Variants in DENND4A observed in about 807,000 individuals in gnomAD.
The protein encoded by DENND4A is C-myc promoter-binding protein.
Under a neutral mutation model 199.3 loss-of-function variants are expected in DENND4A, and 70 were observed. That is an observed-to-expected ratio of 0.35 (90% CI 0.29 to 0.43). The LOEUF (loss-of-function observed/expected upper bound fraction) is 0.43, where lower values mean the gene tolerates loss of function less well. DENND4A is among the 20% of genes least tolerant of loss of function. DENND4A has a pLI of 1.00. For missense variants in DENND4A, 1,723 were observed against 2,255.8 expected (o/e 0.76, Z 4.78); for synonymous variants, 686 against 766.9 (o/e 0.89, Z 1.74).
intron 30 of DENND4A, 111 bp downstream of exon 30, chr15:65,665,233 AC>A (rs2075996535): frequency 1.3e-6 from 1 of 768,342 alleles, no homozygotes; most frequent in Admixed American, 3.0e-5. Flanking sequence ...GACCTGTAAG[AC>A]AAAAAGTAGT....
At position 65,671,376 on chromosome 15, in the gene DENND4A, T is replaced by C. The variant is rs1213433792; in HGVS notation, c.4464+416A>G. Among the ~76,000 whole-genome samples the C allele has an allele frequency of 3.9e-5, 6 of 152,188 alleles. 1 individual carries two copies. The highest frequency in any genetic ancestry group is 3.3e-4 in the Admixed American group (5 of 15,276). On this transcript the variant is annotated intron_variant, in intron 25 of 32. Coordinates refer to ENST00000443035, the MANE Select transcript of DENND4A (RefSeq NM_001320835.1). ...TCACATTCTGAAATTTCAGGTGCTA[T>C]GTATTTAACTTATTATTTTTTCTCT... is the stretch of plus-strand genomic sequence containing the variant.
intron 1 of DENND4A, among the ~76,000 whole-genome samples, chr15:65,788,862 A>G (rs1337269394): frequency 1.4e-4 from 21 of 149,328 alleles, no homozygotes; most frequent in African/African-American, 5.3e-4. Context: ...CTTAAAAAAA[A>G]AAAAAAAAAA....
At chr15:65,725,602 G>C (rs1029569027) in intron 11 of DENND4A, among the ~76,000 whole-genome samples, 1 of 151,584 alleles carries the variant, frequency 6.6e-6, no homozygotes, top group Non-Finnish European at 1.5e-5. Flanking sequence ...GCAAGAACCT[G>C]GGAGGTGGAG....
At chr15:65,741,853 T>C (rs2076270250) in intron 4 of DENND4A, 69 bp from the exon 5 acceptor site, 1 of 1,275,400 alleles carries the variant, frequency 7.8e-7, no homozygotes, top group Non-Finnish European at 1.1e-6. Flanking sequence ...TGGAATCTCT[T>C]TGAGCTCTCT....
Position 65,715,604 on chromosome 15 carries a change from G to A in DENND4A, c.1827C>T (p.Asp609=). 6.4e-7 allele frequency: 1 copy of A among 1,566,146 alleles called. No homozygotes were observed. Among genetic ancestry groups the A allele is most frequent in the South Asian group, 1.2e-5 (1 of 83,982 alleles). Residue 609 remains aspartate (D), a synonymous_variant, in exon 14 of 33, where the codon GAC becomes GAT. Transcript: ENST00000443035. The stretch of plus-strand genomic sequence containing the variant: ...TGTTATAGAATTTTTGATGTGACCG[G>A]TCCCGGCTTCTTAAGAAAGCTGTTC... ...FALQAFLRSR[D]RSHQKFYNMM... is the part of the protein sequence containing the mutation.
intron 1 of DENND4A, among the ~76,000 whole-genome samples, chr15:65,782,023 G>C (rs1291225044): frequency 6.6e-6 from 1 of 152,212 alleles, no homozygotes; most frequent in Non-Finnish European, 1.5e-5. Flanking sequence ...GGGATAAAGA[G>C]TAAATAAGAG....
chr15:65,697,488 T>C, intron 20 of DENND4A, 105 bp from the exon 21 acceptor site: 1 of 697,226 alleles, frequency 1.4e-6, no homozygotes, highest in Non-Finnish European at 2.4e-6. Context: ...ATAAATTTTT[T>C]TCTGGACAAC....
At chr15:65,717,069 G>T (rs931321968) in intron 13 of DENND4A, among the ~76,000 whole-genome samples, 18 of 152,144 alleles carry the variant, frequency 1.2e-4, no homozygotes, top group Non-Finnish European at 2.1e-4. Flanking sequence ...GTTGTGAACT[G>T]AAGTTGTTCA....
chr15:65,703,079 G>A (rs1449890463), intron 15 of DENND4A, 71 bp from the exon 16 acceptor site: 1 of 1,416,422 alleles, frequency 7.1e-7, no homozygotes, highest in Non-Finnish European at 9.6e-7. Context: ...AGTGGTTACA[G>A]GTTAATATAA....
intron 4 of DENND4A, among the ~76,000 whole-genome samples, chr15:65,743,581 A>C (rs894946429): frequency 3.9e-5 from 6 of 152,182 alleles, no homozygotes; most frequent in African/African-American, 1.4e-4. Flanking sequence ...ACACTTTCTA[A>C]CATACTATAC....
At position 65,756,210 on chromosome 15, in the gene DENND4A, T is replaced by A; in HGVS notation, c.241A>T (p.Ser81Cys). The change falls in exon 3 of 33, where the codon AGT (serine) becomes TGT (cysteine). Residue 81 changes from serine to cysteine, a missense_variant. By Grantham distance (112) the Ser-to-Cys change is moderately radical. Transcript: ENST00000443035. ...TGLSADLNNG[S>C]LVGPQIYLCY... ...AGGTAAATCTGTGGCCCCACAAGAC[T>A]TCCATTATTAAGATCAGCTGACAAT... is the stretch of plus-strand genomic sequence containing the variant. 1 of 1,611,962 alleles carries A rather than the reference T, an allele frequency of 6.2e-7. No homozygotes were observed. The highest frequency in any genetic ancestry group is 1.7e-5 in the Admixed American group (1 of 59,710).
intron 23 of DENND4A, among the ~76,000 whole-genome samples, chr15:65,684,236 G>C (rs992570068): frequency 1.3e-5 from 2 of 152,128 alleles, no homozygotes; most frequent in African/African-American, 2.4e-5. Flanking sequence ...AGATTATTTA[G>C]AGTGGAACTG....
intron 13 of DENND4A, among the ~76,000 whole-genome samples, chr15:65,717,492 C>G (rs1419212109): frequency 1.3e-5 from 2 of 152,118 alleles, no homozygotes; most frequent in African/African-American, 2.4e-5. Flanking sequence ...GCTCTGAAAG[C>G]TGAAAGTATC....
At chr15:65,671,956 C>G (rs1232874561) in intron 24 of DENND4A, 70 bp from the exon 25 acceptor site, 2 of 915,118 alleles carry the variant, frequency 2.2e-6, no homozygotes, top group Non-Finnish European at 3.6e-6. Context: ...GAATCTTTTA[C>G]TTCCATAAGT....
intron 14 of DENND4A, among the ~76,000 whole-genome samples, chr15:65,707,010 CAT>C (rs1198781125): frequency 2.0e-5 from 3 of 152,084 alleles, no homozygotes; most frequent in South Asian, 2.1e-4. Context: ...AATCCACGTA[CAT>C]GTGTGTCTGT....
chr15:65,753,637 G>A (rs1256723389), intron 3 of DENND4A, among the ~76,000 whole-genome samples: 2 of 152,130 alleles, frequency 1.3e-5, no homozygotes, highest in Admixed American at 6.5e-5. Flanking sequence ...GGGATTACAC[G>A]TGTAAGCCAC....
chr15:65,728,929 A>G (rs1274570882), intron 11 of DENND4A, 143 bp downstream of exon 11: 4 of 830,976 alleles, frequency 4.8e-6, no homozygotes, highest in Non-Finnish European at 8.0e-6. Context: ...ATAAGGTCTG[A>G]TTCAAAGACG....
intron 7 of DENND4A, among the ~76,000 whole-genome samples, chr15:65,734,680 C>T (rs574530910): frequency 1.3e-5 from 2 of 152,286 alleles, no homozygotes; most frequent in South Asian, 4.1e-4. Flanking sequence ...ACAGCACATA[C>T]ATCTGCTTGA....
intron 22 of DENND4A, among the ~76,000 whole-genome samples, chr15:65,694,372 C>T (rs2077071216): frequency 6.6e-6 from 1 of 151,996 alleles, no homozygotes; most frequent in African/African-American, 2.4e-5. Flanking sequence ...TTGCTTGAAC[C>T]CAGGAAGCAG....
Sources: gnomAD v4.1 joint callset for allele counts (sites outside exome capture counted in the v4.1 genomes callset) on GRCh38, gnomAD v4.1.1 for gene constraint, MANE v1.5 for transcripts, NCBI Gene and HGNC (gene_info 2026-07-23, HGNC 2026-07-21) for gene names.